Variants in AFAP1 observed in about 807,000 individuals in gnomAD.
AFAP1 encodes the protein actin filament-associated protein 1.
Under a neutral mutation model 93.9 loss-of-function variants are expected in AFAP1, and 75 were observed. The observed-to-expected ratio is 0.80, with a 90% CI of 0.66 to 0.97. AFAP1 has a LOEUF of 0.97. Ranked by LOEUF, AFAP1 falls within the 50% of genes least tolerant of loss-of-function variation. The pLI, the probability that AFAP1 is intolerant of heterozygous loss-of-function variation, is 0.00. For missense variants in AFAP1, 1,201 were observed against 1,050.8 expected, an observed-to-expected ratio of 1.14 and a Z score of -1.98; for synonymous variants, 517 against 430.7, an observed-to-expected ratio of 1.20 and a Z score of -2.48.
At chr4:7,938,870 C>G (rs926366988) in intron 1 of AFAP1, 1 of 152,088 alleles carries the variant, frequency 6.6e-6, no homozygotes, top group Non-Finnish European at 1.5e-5. Context: ...CAGCCCCGCG[C>G]CCCCCGGGGC....
At chr4:7,892,326 C>G (rs1718518474) in intron 1 of AFAP1, among the ~76,000 whole-genome samples, 1 of 152,176 alleles carries the variant, frequency 6.6e-6, no homozygotes, top group Non-Finnish European at 1.5e-5. Flanking sequence ...ACATCTAAGG[C>G]TCTGCAGATG....
intron 9 of AFAP1, among the ~76,000 whole-genome samples, chr4:7,805,083 T>C (rs549286050): frequency 2.4e-4 from 37 of 152,302 alleles, no homozygotes; most frequent in African/African-American, 8.7e-4. Flanking sequence ...ATTTCTTTTT[T>C]TGAGGTGGGG....
In AFAP1 at chr4:7,800,480, G is replaced by A. The variant is rs769468121; in HGVS notation, c.1228C>T (p.Arg410Trp). 75 of 1,614,060 alleles carry A rather than the reference G, an allele frequency of 4.6e-5. No homozygotes were observed. Among genetic ancestry groups the A allele is most frequent in the Non-Finnish European group, 3.2e-5 (38 of 1,180,032 alleles). Residue 410 changes from arginine to tryptophan, a missense_variant, in exon 10 of 18, where the codon CGG becomes TGG. By Grantham distance (101) the Arg-to-Trp change is moderately radical. Transcript: ENST00000420658. Reference protein sequence around the residue: ...GLDSKHPLTFRLLRNGQEVAV... With the variant: ...GLDSKHPLTFWLLRNGQEVAV... ...ACCTCCTGGCCGTTGCGCAGCAGCC[G>A]GAACGTCAGAGGATGTTTAGAATCC...
chr4:7,888,333 C>T (rs2149203849), intron 1 of AFAP1, among the ~76,000 whole-genome samples: 1 of 152,336 alleles, frequency 6.6e-6, no homozygotes, highest in East Asian at 1.9e-4. Flanking sequence ...GTTATAAATA[C>T]ACTTCCACCT....
At chr4:7,837,724 A>G (rs1450590204) in intron 6 of AFAP1, among the ~76,000 whole-genome samples, 1 of 152,148 alleles carries the variant, frequency 6.6e-6, no homozygotes, top group South Asian at 2.1e-4. Context: ...AAAGAAGAAA[A>G]AAGAATGGTT....
chr4:7,825,359 C>T (rs927313560), intron 6 of AFAP1, among the ~76,000 whole-genome samples: 1 of 152,124 alleles, frequency 6.6e-6, no homozygotes. Context: ...AAAAAATCTA[C>T]CTCAGTCACC....
At chr4:7,786,086 A>T in intron 12 of AFAP1, 108 bp downstream of exon 12, 1 of 1,001,456 alleles carries the variant, frequency 1.0e-6, no homozygotes, top group Non-Finnish European at 1.5e-6. Context: ...TCAGAGCATT[A>T]AAAAGCTGAC....
chr4:7,807,939 C>G (rs541362220), intron 9 of AFAP1, among the ~76,000 whole-genome samples: 1 of 152,180 alleles, frequency 6.6e-6, no homozygotes, highest in East Asian at 1.9e-4. Flanking sequence ...ACCGCTGGGA[C>G]GTGAGATCTG....
At chr4:7,894,809 G>C (rs941848270) in intron 1 of AFAP1, among the ~76,000 whole-genome samples, 1 of 152,172 alleles carries the variant, frequency 6.6e-6, no homozygotes, top group Admixed American at 6.5e-5. Context: ...CTGCCAAAGA[G>C]GAAAAGCCTC....
intron 4 of AFAP1, among the ~76,000 whole-genome samples, chr4:7,854,309 T>G (rs1306043349): frequency 6.6e-6 from 1 of 151,842 alleles, no homozygotes; most frequent in African/African-American, 2.4e-5. Context: ...AACTAAGTAT[T>G]GACATTTGGC....
chr4:7,859,006 G>A (rs1715381989), intron 3 of AFAP1, among the ~76,000 whole-genome samples: 1 of 152,180 alleles, frequency 6.6e-6, no homozygotes, highest in African/African-American at 2.4e-5. Context: ...CACCACTGTG[G>A]AATCACTCAA....
chr4:7,778,949 G>A, intron 13 of AFAP1, 73 bp from the exon 14 acceptor site: 2 of 1,167,768 alleles, frequency 1.7e-6, no homozygotes, highest in South Asian at 2.9e-5. Context: ...TTTTTTTTCT[G>A]GAGTCATTTC....
intron 3 of AFAP1, among the ~76,000 whole-genome samples, chr4:7,866,846 A>C (rs1215987394): frequency 6.6e-6 from 1 of 150,912 alleles, no homozygotes; most frequent in Non-Finnish European, 1.5e-5. Flanking sequence ...AGACAGCAAC[A>C]CAGTGAGACC....
intron 10 of AFAP1, among the ~76,000 whole-genome samples, chr4:7,795,405 C>CTTTTTTTTTTTTTTT (rs35550085): frequency 1.6e-5 from 1 of 62,082 alleles, no homozygotes; most frequent in East Asian, 3.7e-4. Context: ...AAAACAAAAT[C>CTTTTTTTTTTTTTTT]TTTTTTTTTT....
intron 13 of AFAP1, among the ~76,000 whole-genome samples, chr4:7,780,304 C>G (rs992237382): frequency 1.2e-4 from 19 of 152,318 alleles, no homozygotes; most frequent in African/African-American, 4.3e-4. Flanking sequence ...CAACACCAAC[C>G]TGTGCATTTG....
Position 7,763,456 on chromosome 4 carries a change from G to C in AFAP1, c.*309C>G, listed in dbSNP as rs1714095652. The C allele has an allele frequency of 5.5e-6, 2 of 366,210 alleles. No homozygotes were observed. Among genetic ancestry groups the C allele is most frequent in the Non-Finnish European group, 9.9e-6 (2 of 202,486 alleles). The allele number at this position is 366,210 out of a possible 1,614,324, so 22.7% of individuals were successfully genotyped here. A position where few individuals can be genotyped will look rare whatever the true frequency, so the allele number is the denominator to read the frequency against. On this transcript the variant is annotated 3_prime_UTR_variant, in exon 18 of 18. Transcript: ENST00000420658. ...CAGGGCTGGGTTGGAATCGGTGAAA[G>C]CAATGGCCTATCTGGTTAGAAAGAT...
intron 1 of AFAP1, among the ~76,000 whole-genome samples, chr4:7,915,711 T>G (rs746358247): frequency 2.6e-5 from 4 of 152,252 alleles, no homozygotes; most frequent in Non-Finnish European, 5.9e-5. Context: ...TTCTGCTGGT[T>G]AAGGCTGAGG....
intron 1 of AFAP1, among the ~76,000 whole-genome samples, chr4:7,906,511 G>A (rs915698800): frequency 3.3e-5 from 5 of 152,158 alleles, no homozygotes; most frequent in East Asian, 1.9e-4. Context: ...TTGGGCAACC[G>A]CAGTATCTAG....
At chr4:7,790,651 A>C (rs1411289127) in intron 11 of AFAP1, among the ~76,000 whole-genome samples, 3 of 152,236 alleles carry the variant, frequency 2.0e-5, no homozygotes, top group Non-Finnish European at 4.4e-5. Flanking sequence ...TACGGATCTT[A>C]TATCTCTTTA....
Sources: gnomAD v4.1 joint callset for allele counts (sites outside exome capture counted in the v4.1 genomes callset) on GRCh38, gnomAD v4.1.1 for gene constraint, MANE v1.5 for transcripts, NCBI Gene and HGNC (gene_info 2026-07-23, HGNC 2026-07-21) for gene names.